The following IL17RD variants were observed in gnomAD, a reference collection of about 807,000 sequenced individuals.
IL17RD encodes the protein interleukin-17 receptor D.
IL17RD carries 52 observed loss-of-function variants against 80.5 expected under a neutral mutation model. That is an observed-to-expected ratio of 0.65 (90% confidence interval 0.52 to 0.81). The LOEUF (loss-of-function observed/expected upper bound fraction) is 0.81, where lower values mean the gene tolerates loss of function less well. Among genes scored for constraint, IL17RD ranks in the 40% least tolerant of loss-of-function variants. The probability of loss-of-function intolerance (pLI) is 0.00; values close to 1 mark genes in which losing one functional copy is unlikely to be tolerated. For synonymous variants in IL17RD, 416 were observed against 391.8 expected (o/e 1.06, Z -0.73); for missense variants, 1,024 against 955.1 (o/e 1.07, Z -0.95).
chr3:57,151,105 C>T (rs1708049850), intron 1 of IL17RD, among the ~76,000 whole-genome samples: 1 of 152,200 alleles, frequency 6.6e-6, no homozygotes, highest in Non-Finnish European at 1.5e-5. Context: ...CATTACTATG[C>T]TATTCACTGC....
In IL17RD at chr3:57,097,608, A is replaced by G. The variant is rs1706709268; in HGVS notation, c.2095T>C (p.Ser699Pro). The G allele has an allele frequency of 1.9e-6, 3 of 1,575,476 alleles. No homozygotes were observed. The highest frequency in any genetic ancestry group is 2.6e-6 in the Non-Finnish European group (3 of 1,160,774). Reference sequence around the variant, plus strand: ...AAAGGCACCTTACCCAGGCCTGAAGAGGAGGACACGCTCTCCGTCAGGGAA... The same window carrying G: ...AAAGGCACCTTACCCAGGCCTGAAGGGGAGGACACGCTCTCCGTCAGGGAA... ...TSSLTESVSS[S>P]SGLGEEEPPA... Residue 699 changes from serine (S) to proline (P), a missense_variant, in exon 12 of 13, where the codon TCT (serine) becomes CCT (proline). Ser to Pro is a moderately conservative substitution (Grantham distance 74, BLOSUM62 -1). Coordinates refer to ENST00000296318, the MANE Select transcript of IL17RD (RefSeq NM_017563.5).
intron 1 of IL17RD, among the ~76,000 whole-genome samples, chr3:57,136,922 G>C (rs571820486): frequency 2.0e-5 from 3 of 152,160 alleles, no homozygotes; most frequent in Non-Finnish European, 2.9e-5. Flanking sequence ...ACACTGCCTA[G>C]AATGAATGGG....
chr3:57,123,545 G>A (rs528746015), intron 1 of IL17RD, among the ~76,000 whole-genome samples: 4 of 152,280 alleles, frequency 2.6e-5, no homozygotes, highest in South Asian at 2.1e-4. Flanking sequence ...CTGACACATC[G>A]GTCTGACTGC....
At position 57,094,522 on chromosome 3, in the gene IL17RD, T is replaced by C. The variant is rs1484022350; in HGVS notation, c.*1871A>G. ...TCCTCCATTCTCTCCCTGGGGCCAC[T>C]TTCTCAGAGATGCCTTATTTCATGA... On this transcript the variant is annotated 3_prime_UTR_variant, in exon 13 of 13. Coordinates refer to ENST00000296318, the MANE Select transcript of IL17RD (RefSeq NM_017563.5). 6.6e-6 allele frequency: 1 copy of C among 152,228 alleles called. No individual in the cohort carries two copies. 9.4% of individuals were successfully genotyped at this position (152,228 alleles called of 1,614,324 possible). A position where few individuals can be genotyped will look rare whatever the true frequency, so the allele number is the denominator to read the frequency against.
intron 10 of IL17RD, among the ~76,000 whole-genome samples, chr3:57,101,931 C>T (rs1706839750): frequency 6.6e-6 from 1 of 152,096 alleles, no homozygotes; most frequent in South Asian, 2.1e-4. Context: ...TTCAGGCTTC[C>T]TTTATGACCC....
chr3:57,109,425 G>T, intron 5 of IL17RD, 112 bp downstream of exon 5: 1 of 1,185,252 alleles, frequency 8.4e-7, no homozygotes, highest in Admixed American at 2.2e-5. Flanking sequence ...GATTAGAGGT[G>T]TGAGCCACCG....
At chr3:57,135,144 A>AC (rs1012746321) in intron 1 of IL17RD, among the ~76,000 whole-genome samples, 18 of 138,118 alleles carry the variant, frequency 1.3e-4, no homozygotes, top group African/African-American at 5.0e-4. Context: ...CAAAAAACAC[A>AC]CAAAAAAAAC....
At chr3:57,128,812 C>T (rs114707589) in intron 1 of IL17RD, among the ~76,000 whole-genome samples, 3 of 152,140 alleles carry the variant, frequency 2.0e-5, no homozygotes, top group African/African-American at 7.2e-5. Flanking sequence ...TGCACACAAG[C>T]AAACTTTCTC....
chr3:57,165,483 G>T, upstream of IL17RD: 1 of 255,382 alleles, frequency 3.9e-6, no homozygotes, highest in Non-Finnish European at 6.0e-6. Flanking sequence ...CCCTCCAGTT[G>T]TGGCCCTGCC....
rs373252570 is a variant in IL17RD, at chr3:57,098,085, G to A, written c.1618C>T (p.Arg540Trp). The A allele has an allele frequency of 4.2e-5, 68 of 1,613,980 alleles. No individual in the cohort carries two copies. The highest frequency in any genetic ancestry group is 3.3e-5 in the Admixed American group (2 of 60,022). The change falls in exon 12 of 13, where the codon CGG (arginine) becomes TGG (tryptophan). Residue 540 changes from arginine to tryptophan, a missense_variant. Physicochemically the swap from Arg to Trp is moderately radical, Grantham distance 101. Transcript: ENST00000296318. ...TTGCAAATGGCGACGTATAGGGACC[G>A]GCCTGACTTGCTCCGGAAGTAGTTC... ...RRNYFRSKSG[R>W]SLYVAICNMH...
At chr3:57,126,730 T>C (rs1013014227) in intron 1 of IL17RD, among the ~76,000 whole-genome samples, 1 of 152,216 alleles carries the variant, frequency 6.6e-6, no homozygotes, top group Admixed American at 6.5e-5. Flanking sequence ...CAGGCCAAAC[T>C]TTCAAATCAA....
chr3:57,166,240 T>C (rs962050697), upstream of IL17RD, among the ~76,000 whole-genome samples: 11 of 152,288 alleles, frequency 7.2e-5, no homozygotes, highest in Middle Eastern at 3.4e-3. Flanking sequence ...ACTACCCCCT[T>C]CCTCAAGAAT....
intron 1 of IL17RD, among the ~76,000 whole-genome samples, chr3:57,127,431 A>T (rs1707520025): frequency 7.4e-6 from 1 of 136,006 alleles, no homozygotes; most frequent in Admixed American, 7.8e-5. Context: ...TTGAGATAAG[A>T]GTCTTGCTTT....
intron 1 of IL17RD, among the ~76,000 whole-genome samples, chr3:57,159,942 T>C (rs1579324852): frequency 6.6e-6 from 1 of 152,016 alleles, no homozygotes. Context: ...GAGGCCAAGG[T>C]GGACAGATCA....
intron 5 of IL17RD, among the ~76,000 whole-genome samples, chr3:57,109,137 T>TTTTG (rs770073637): frequency 1.1e-4 from 16 of 152,266 alleles, no homozygotes; most frequent in South Asian, 6.2e-4. Flanking sequence ...TTGGCATGTT[T>TTTTG]TTTGTTTGTT....
chr3:57,105,365 C>T (rs1018928423), intron 7 of IL17RD, among the ~76,000 whole-genome samples: 9 of 151,240 alleles, frequency 6.0e-5, no homozygotes, highest in African/African-American at 2.2e-4. Flanking sequence ...TGGTGAACCC[C>T]GTCTCTACTA....
At chr3:57,112,478 C>T (rs1020086049) in intron 3 of IL17RD, among the ~76,000 whole-genome samples, 4 of 152,186 alleles carry the variant, frequency 2.6e-5, no homozygotes, top group East Asian at 1.9e-4. Context: ...CATAAATCAG[C>T]ATCCAGGAAA....
chr3:57,147,776 A>G lies in IL17RD; in HGVS notation c.126+17385T>C, dbSNP rs115011763. On this transcript the variant is annotated intron_variant, in intron 1 of 12. Transcript: ENST00000296318. ...ATGGAAATATCTTTGGAAAACAAACATAAGTAAAAAATAACCATAAATAAA... is the reference window on the plus strand; with the variant it reads ...ATGGAAATATCTTTGGAAAACAAACGTAAGTAAAAAATAACCATAAATAAA... Among the ~76,000 whole-genome samples, 508 of 147,082 alleles carry G rather than the reference A, an allele frequency of 3.5e-3. 2 individuals are homozygous for G. The highest frequency in any genetic ancestry group is 0.013 in the African/African-American group (481 of 36,420).
chr3:57,157,789 G>T (rs1393979580), intron 1 of IL17RD, among the ~76,000 whole-genome samples: 3 of 152,182 alleles, frequency 2.0e-5, no homozygotes, highest in Non-Finnish European at 4.4e-5. Context: ...GCCTATCTCA[G>T]GAAAACACAC....
Sources: allele counts gnomAD v4.1 joint callset (sites outside exome capture counted in the v4.1 genomes callset), GRCh38; gene constraint gnomAD v4.1.1; transcripts MANE v1.5; gene names NCBI Gene and HGNC (gene_info 2026-07-23, HGNC 2026-07-21).